FRMD6: variants seen among roughly 807,000 people sequenced by gnomAD.
FRMD6 encodes the protein FERM domain-containing protein 6.
In FRMD6, 37 loss-of-function variants were observed where a neutral mutation model predicts 73.2. That is an observed-to-expected ratio of 0.51 (90% CI 0.39 to 0.66). FRMD6 has a LOEUF of 0.66. Among genes scored for constraint, FRMD6 ranks in the 30% least tolerant of loss-of-function variants. The pLI, the probability that FRMD6 is intolerant of heterozygous loss-of-function variation, is 0.00. For missense variants in FRMD6, 714 were observed against 780.5 expected (o/e 0.91, Z 1.02); for synonymous variants, 273 against 282.2 (o/e 0.97, Z 0.33).
At chr14:51,639,281 A>G (rs1235072363) in intron 2 of FRMD6, among the ~76,000 whole-genome samples, 1 of 152,036 alleles carries the variant, frequency 6.6e-6, no homozygotes. Context: ...TAAAAATACA[A>G]AAAATTAGCC....
chr14:51,521,083 G>A (rs1884931511), intron 1 of FRMD6, among the ~76,000 whole-genome samples: 1 of 152,170 alleles, frequency 6.6e-6, no homozygotes, highest in African/African-American at 2.4e-5. Context: ...GCAGATCACT[G>A]ATTATCTGGG....
intron 2 of FRMD6, among the ~76,000 whole-genome samples, chr14:51,606,795 C>A (rs1163185451): frequency 6.6e-6 from 1 of 152,070 alleles, no homozygotes; most frequent in Non-Finnish European, 1.5e-5. Context: ...GAATGCTGAC[C>A]TAGCATGGCT....
At chr14:51,701,643 T>G (rs1475480449) in intron 4 of FRMD6, among the ~76,000 whole-genome samples, 1 of 149,282 alleles carries the variant, frequency 6.7e-6, no homozygotes, top group Non-Finnish European at 1.5e-5. Context: ...TTATAAGTTC[T>G]AAAGTGTCAC....
intron 2 of FRMD6, among the ~76,000 whole-genome samples, chr14:51,628,224 T>C (rs919996680): frequency 6.6e-6 from 1 of 152,192 alleles, no homozygotes; most frequent in African/African-American, 2.4e-5. Context: ...ATCTATGATA[T>C]TCTCCAGTCT....
At chr14:51,556,420 T>G (rs538769497) in intron 1 of FRMD6, among the ~76,000 whole-genome samples, 2 of 152,344 alleles carry the variant, frequency 1.3e-5, no homozygotes, top group South Asian at 4.1e-4. Context: ...AATTTCACAT[T>G]GTGAGTAGGT....
intron 1 of FRMD6, among the ~76,000 whole-genome samples, chr14:51,497,341 T>C (rs1883363354): frequency 6.6e-6 from 1 of 152,054 alleles, no homozygotes; most frequent in African/African-American, 2.4e-5. Flanking sequence ...TCTTATCATC[T>C]AAACTGTTAT....
rs771900033 is a variant in FRMD6 at position 51,720,220 on chromosome 14, T to C, written c.1190T>C (p.Ile397Thr). The C allele has an allele frequency of 3.6e-5, 58 of 1,613,970 alleles. 1 individual carries two copies. The South Asian group carries it at 5.6e-4, about 16-fold the overall frequency. The change falls in exon 11 of 14, where the codon ATT (isoleucine) becomes ACT (threonine). Residue 397 changes from isoleucine (I) to threonine (T), a missense_variant. Transcript: ENST00000344768. ...CACAGCAGTTCCCACACCTCGGGCA[T>C]TGAGGCAGACACCAAGCCCCGGGAC... ...ASHSSSHTSGIEADTKPRDTG... is the reference protein window; with the variant it reads ...ASHSSSHTSGTEADTKPRDTG...
chr14:51,609,611 G>A (rs956334544), intron 2 of FRMD6, among the ~76,000 whole-genome samples: 8 of 152,196 alleles, frequency 5.3e-5, no homozygotes, highest in Non-Finnish European at 1.2e-4. Context: ...CGTTCAATCA[G>A]AGAGAGATTA....
the FRMD6 span, among the ~76,000 whole-genome samples, chr14:51,455,549 C>T: frequency 8.5e-5 from 13 of 152,290 alleles, no homozygotes; most frequent in African/African-American, 2.9e-4. Context: ...CTGTCCCGGA[C>T]ACTGAAGCAG....
intron 2 of FRMD6, among the ~76,000 whole-genome samples, chr14:51,591,097 A>G (rs1889359980): frequency 2.0e-5 from 3 of 151,908 alleles, no homozygotes. Context: ...GTTTTCGTAT[A>G]AAATTGGAGC....
intron 1 of FRMD6, among the ~76,000 whole-genome samples, chr14:51,493,547 C>G (rs1424993413): frequency 6.6e-6 from 1 of 152,158 alleles, no homozygotes; most frequent in East Asian, 1.9e-4. Flanking sequence ...CCTTTGCCTT[C>G]CACCATGATT....
chr14:51,689,864 A>G lies in FRMD6; in HGVS notation c.28A>G (p.Arg10Gly). MNKLNFHNNRVMQDRRSVCI... is the reference protein window; with the variant it reads MNKLNFHNNGVMQDRRSVCI... ...GAACAAATTGAATTTTCATAACAAC[A>G]GAGTCATGCAAGACCGCCGCAGTGT... Residue 10 changes from arginine to glycine, a missense_variant, in exon 2 of 14, where the codon AGA becomes GGA. Coordinates refer to ENST00000344768, the MANE Select transcript of FRMD6 (RefSeq NM_001267046.2). 6.2e-7 allele frequency: 1 copy of G among 1,613,042 alleles called. No homozygotes were observed. Among genetic ancestry groups the G allele is most frequent in the Non-Finnish European group, 8.5e-7 (1 of 1,179,358 alleles).
chr14:51,654,521 A>G (rs1407379082), intron 1 of FRMD6, among the ~76,000 whole-genome samples: 1 of 151,906 alleles, frequency 6.6e-6, no homozygotes, highest in Non-Finnish European at 1.5e-5. Context: ...TTTTTTGATA[A>G]AGGAATTCTT....
At chr14:51,593,423 CT>C (rs1200610826) in intron 2 of FRMD6, among the ~76,000 whole-genome samples, 1 of 152,190 alleles carries the variant, frequency 6.6e-6, no homozygotes, top group East Asian at 1.9e-4. Flanking sequence ...TTTAGCTCCC[CT>C]CTCACAGCTT....
At chr14:51,709,564 A>C (rs114212196) in intron 7 of FRMD6, among the ~76,000 whole-genome samples, 50 of 152,234 alleles carry the variant, frequency 3.3e-4, no homozygotes, top group Non-Finnish European at 1.2e-4. Flanking sequence ...TGTTTTTTCT[A>C]TCTCTCTTCT....
chr14:51,573,739 T>C (rs1269342042), intron 2 of FRMD6, among the ~76,000 whole-genome samples: 1 of 152,152 alleles, frequency 6.6e-6, no homozygotes, highest in African/African-American at 2.4e-5. Flanking sequence ...TTCAGGAGAC[T>C]GGACGCTTAC....
At chr14:51,453,714 C>T in the FRMD6 span, among the ~76,000 whole-genome samples, 1 of 152,134 alleles carries the variant, frequency 6.6e-6, no homozygotes, top group East Asian at 1.9e-4. Context: ...GACACACTCA[C>T]CCCTTATATG....
intron 1 of FRMD6, among the ~76,000 whole-genome samples, chr14:51,503,308 A>G (rs1362022583): frequency 6.6e-6 from 1 of 152,140 alleles, no homozygotes; most frequent in Non-Finnish European, 1.5e-5. Context: ...GCTTTTGCCC[A>G]TTCAGTATGA....
intron 11 of FRMD6, among the ~76,000 whole-genome samples, chr14:51,720,917 A>G (rs548928427): frequency 7.9e-5 from 12 of 152,376 alleles, no homozygotes; most frequent in East Asian, 3.9e-4. Context: ...TAAGGAGATA[A>G]GATGAATCCT....
Sources: gnomAD v4.1 joint callset for allele counts (sites outside exome capture counted in the v4.1 genomes callset) on GRCh38, gnomAD v4.1.1 for gene constraint, MANE v1.5 for transcripts, NCBI Gene and HGNC (gene_info 2026-07-23, HGNC 2026-07-21) for gene names.